Variants in TENM1 observed in about 807,000 individuals in gnomAD.
TENM1 encodes the protein teneurin-1.
In TENM1, 35 loss-of-function variants were observed where a neutral mutation model predicts 174.8. The observed-to-expected ratio is 0.20, with a 90% CI of 0.15 to 0.27. The LOEUF (loss-of-function observed/expected upper bound fraction) is 0.27, where lower values mean the gene tolerates loss of function less well. Among genes scored for constraint, TENM1 ranks in the 10% least tolerant of loss-of-function variants. The pLI, the probability that TENM1 is intolerant of heterozygous loss-of-function variation, is 1.00. For missense variants in TENM1, 1,633 were observed against 2,130.1 expected (o/e 0.77, Z 4.59); for synonymous variants, 781 against 798.7 (o/e 0.98, Z 0.37).
At chrX:124,632,707 T>TA (rs1295516526) in intron 11 of TENM1, among the ~76,000 whole-genome samples, 19 of 107,250 alleles carry the variant, frequency 1.8e-4, no homozygotes, top group East Asian at 5.8e-4. Context: ...AATGATGAAA[T>TA]AAAAAAAAAC....
At chrX:124,602,639 G>A (rs2050055560) in intron 11 of TENM1, among the ~76,000 whole-genome samples, 1 of 110,164 alleles carries the variant, frequency 9.1e-6, no homozygotes, top group South Asian at 3.8e-4. Flanking sequence ...GCCACATAGG[G>A]AAACGCAGGA....
chrX:124,996,549 C>CCA, the TENM1 span, among the ~76,000 whole-genome samples: 3,963 of 96,071 alleles, frequency 0.041, 93 homozygotes, highest in Non-Finnish European at 0.05. Flanking sequence ...AAAAAAAAAA[C>CCA]CACACACACA....
the TENM1 span, among the ~76,000 whole-genome samples, chrX:125,202,441 C>A: frequency 8.9e-6 from 1 of 112,161 alleles, no homozygotes; most frequent in Non-Finnish European, 1.9e-5. Flanking sequence ...CTGAGAACTT[C>A]TCTTTGTATT....
the TENM1 span, among the ~76,000 whole-genome samples, chrX:124,979,678 T>C: frequency 9.1e-6 from 1 of 110,470 alleles, no homozygotes; most frequent in Non-Finnish European, 1.9e-5. Flanking sequence ...GAGAAACATA[T>C]CAAATAATGC....
the TENM1 span, among the ~76,000 whole-genome samples, chrX:125,044,220 A>T: frequency 5.0e-5 from 5 of 99,841 alleles, no homozygotes; most frequent in Admixed American, 2.1e-4. Flanking sequence ...AATAAAAAAA[A>T]AATAAAAAAA....
chrX:124,746,044 T>C (rs1016667659), intron 3 of TENM1, among the ~76,000 whole-genome samples: 8 of 111,896 alleles, frequency 7.1e-5, no homozygotes, highest in Non-Finnish European at 1.5e-4. Context: ...CATATACTTG[T>C]CTTGTATCAG....
intron 1 of TENM1, among the ~76,000 whole-genome samples, chrX:124,938,394 G>C (rs1231325626): frequency 2.7e-5 from 3 of 112,189 alleles, no homozygotes; most frequent in Non-Finnish European, 5.6e-5. Flanking sequence ...CATTTAAACA[G>C]TTGAACTTCC....
the TENM1 span, among the ~76,000 whole-genome samples, chrX:125,154,599 T>C: frequency 9.0e-6 from 1 of 111,700 alleles, no homozygotes; most frequent in African/African-American, 3.3e-5. Context: ...ATGGACGTAG[T>C]GTGTCCGGAA....
the TENM1 span, among the ~76,000 whole-genome samples, chrX:125,161,960 T>C: frequency 0.03 from 3,355 of 111,751 alleles, 141 homozygotes; most frequent in African/African-American, 0.1. Flanking sequence ...TTGCCAGTGA[T>C]TGGCTAAGGA....
At chrX:125,114,042 G>A in the TENM1 span, among the ~76,000 whole-genome samples, 51 of 110,989 alleles carry the variant, frequency 4.6e-4, no homozygotes, top group East Asian at 5.7e-3. Flanking sequence ...GCAAAAGAAC[G>A]GAAATCATAA....
chrX:124,490,134 T>C (rs1373093733), intron 20 of TENM1, among the ~76,000 whole-genome samples: 1 of 112,136 alleles, frequency 8.9e-6, no homozygotes, highest in Admixed American at 9.5e-5. Context: ...AAGAGGTTCA[T>C]GTTTTCGGAA....
the TENM1 span, among the ~76,000 whole-genome samples, chrX:125,020,737 T>C: frequency 9.0e-6 from 1 of 111,153 alleles, no homozygotes; most frequent in Admixed American, 9.6e-5. Flanking sequence ...ATTAACTATA[T>C]AACTGCCAAA....
rs767124742 is a variant in TENM1 at position 124,522,608 on chromosome X, C to A, written c.3033+756G>T. Among the ~76,000 whole-genome samples the A allele has an allele frequency of 2.8e-5, 3 of 108,952 alleles. No homozygotes were observed. In the Admixed American group the frequency reaches 2.9e-4, roughly 11 times the overall value. The allele number at this position is 108,952 out of a possible 115,157, so 94.6% of individuals were successfully genotyped here. Reference sequence around the variant, plus strand: ...GCTTGAAAACTACATTTACTTTACACAGCTAGATGAGAGAACTTGTCATGT... The same window carrying A: ...GCTTGAAAACTACATTTACTTTACAAAGCTAGATGAGAGAACTTGTCATGT... On this transcript the variant is annotated intron_variant, in intron 17 of 31. Coordinates refer to ENST00000422452, the Ensembl canonical transcript of TENM1.
intron 1 of TENM1, among the ~76,000 whole-genome samples, chrX:124,937,298 A>C (rs2058260368): frequency 8.9e-6 from 1 of 111,967 alleles, no homozygotes; most frequent in Admixed American, 9.5e-5. Flanking sequence ...TTGAATAGTT[A>C]TATTTAAGTG....
At chrX:125,173,760 A>G in the TENM1 span, among the ~76,000 whole-genome samples, 6,630 of 111,319 alleles carry the variant, frequency 0.06, 503 homozygotes, top group African/African-American at 0.2. Context: ...AGAAAGATAA[A>G]CTCAAAAAGG....
chrX:124,886,001 C>T (rs1045911851), intron 3 of TENM1, among the ~76,000 whole-genome samples: 1 of 111,607 alleles, frequency 9.0e-6, no homozygotes, highest in Admixed American at 9.5e-5. Context: ...CAAGGTAACA[C>T]GAATGACTTA....
Position 124,472,016 on chromosome X carries a change from T to C in TENM1, c.3949+9716A>G, listed in dbSNP as rs112066562. Among the ~76,000 whole-genome samples the C allele has an allele frequency of 7.8e-3, 839 of 107,553 alleles. 5 individuals carry two copies. The highest frequency in any genetic ancestry group is 0.026 in the African/African-American group (780 of 29,530). 93.4% of individuals were successfully genotyped at this position (107,553 alleles called of 115,157 possible). A position where few individuals can be genotyped will look rare whatever the true frequency, so the allele number is the denominator to read the frequency against. The stretch of plus-strand genomic sequence containing the variant: ...TGAAATCTTAAAAAACAATAATAAA[T>C]CTGGTGAATAGTAGGTCTGCTTTAA... On this transcript the variant is annotated intron_variant, in intron 22 of 31. Coordinates refer to ENST00000422452, the Ensembl canonical transcript of TENM1.
At chrX:125,184,592 A>C in the TENM1 span, among the ~76,000 whole-genome samples, 1 of 111,686 alleles carries the variant, frequency 9.0e-6, no homozygotes, top group African/African-American at 3.3e-5. Flanking sequence ...AATTAAGGAA[A>C]CCCTTAATGA....
chrX:125,121,583 G>A, the TENM1 span, among the ~76,000 whole-genome samples: 5 of 111,565 alleles, frequency 4.5e-5, no homozygotes, highest in East Asian at 1.4e-3. Context: ...ACTGGGGATG[G>A]GGTATGAGAA....
Sources: gnomAD v4.1 joint callset for allele counts (sites outside exome capture counted in the v4.1 genomes callset) on GRCh38, gnomAD v4.1.1 for gene constraint, MANE v1.5 for transcripts, NCBI Gene and HGNC (gene_info 2026-07-23, HGNC 2026-07-21) for gene names.